ITIH5: variants seen among roughly 807,000 people sequenced by gnomAD.
The protein encoded by ITIH5 is inter-alpha-trypsin inhibitor heavy chain 5, also known as inter-alpha-trypsin inhibitor heavy chain H5.
Under a neutral mutation model 77.5 loss-of-function variants are expected in ITIH5, and 65 were observed. That is an observed-to-expected ratio of 0.84 (90% confidence interval 0.69 to 1.03). The LOEUF (loss-of-function observed/expected upper bound fraction) is 1.03, where lower values mean the gene tolerates loss of function less well. Among genes scored for constraint, ITIH5 ranks in the 50% least tolerant of loss-of-function variants. The pLI is 0.00. For missense variants in ITIH5, 1,208 were observed against 1,213.1 expected (o/e 1.00, Z 0.06); for synonymous variants, 525 against 494.3 (o/e 1.06, Z -0.82).
At chr10:7,650,009 A>G (rs188088845) in intron 2 of ITIH5, among the ~76,000 whole-genome samples, 1 of 152,342 alleles carries the variant, frequency 6.6e-6, no homozygotes, top group East Asian at 1.9e-4. Flanking sequence ...CCTGTGACAT[A>G]AGATAATTTC....
At position 7,585,913 on chromosome 10, in the gene ITIH5, A is replaced by G; in HGVS notation, c.1096T>C (p.Ser366Pro). Residue 366 changes from serine (S) to proline (P), a missense_variant, in exon 8 of 14, where the codon TCA becomes CCA. Physicochemically the swap from Ser to Pro is moderately conservative, Grantham distance 74. Coordinates refer to ENST00000397146, the MANE Select transcript of ITIH5 (RefSeq NM_030569.7). ...GTGTCATCTTTACCTCCAGTGGGTG[A>G]CATATGGTGAATGTACACTTTCCCA... ...RDGKVYIHHM[S>P]PTGGTDINGA... The G allele has an allele frequency of 6.2e-7, 1 of 1,611,070 alleles. No homozygotes were observed. The highest frequency in any genetic ancestry group is 8.5e-7 in the Non-Finnish European group (1 of 1,178,896).
rs529365555 is a variant in ITIH5, at chr10:7,560,166, A to G, written c.*2917T>C. ...CACCTGGCCCCATGTCTCTTCTTAT[A>G]AGGGCCTTAATCCCATTCGTGAGGG... On this transcript the variant is annotated 3_prime_UTR_variant, in exon 14 of 14. Coordinates refer to ENST00000397146, the MANE Select transcript of ITIH5 (RefSeq NM_030569.7). The G allele has an allele frequency of 4.6e-6, 1 of 216,156 alleles. No individual in the cohort carries two copies. Among genetic ancestry groups the G allele is most frequent in the East Asian group, 1.3e-4 (1 of 7,518 alleles). The allele number at this position is 216,156 out of a possible 1,614,324, so 13.4% of individuals were successfully genotyped here.
intron 7 of ITIH5, among the ~76,000 whole-genome samples, chr10:7,593,272 C>A (rs146145005): frequency 6.6e-6 from 1 of 152,174 alleles, no homozygotes; most frequent in East Asian, 1.9e-4. Context: ...GGCTCCATTC[C>A]CACTCAGAGG....
chr10:7,655,244 A>G lies in ITIH5; in HGVS notation c.135+387T>C, dbSNP rs116457254. On this transcript the variant is annotated intron_variant, in intron 2 of 13. Coordinates refer to ENST00000397146, the MANE Select transcript of ITIH5 (RefSeq NM_030569.7). ...CTCCAGCAGCATTGAGAGCCTATCC[A>G]ACTTTCATCACGTGATGCTTTAGTC... Among the ~76,000 whole-genome samples, 1,048 of 152,312 alleles carry G rather than the reference A, an allele frequency of 6.9e-3. 15 individuals are homozygous for G. Among genetic ancestry groups the G allele is most frequent in the African/African-American group, 0.023 (975 of 41,572 alleles).
intron 2 of ITIH5, among the ~76,000 whole-genome samples, chr10:7,655,424 TA>T (rs1834164839): frequency 6.6e-6 from 1 of 152,072 alleles, no homozygotes; most frequent in South Asian, 2.1e-4. Flanking sequence ...TCTACTGAAA[TA>T]ATCAGGTCTC....
intron 12 of ITIH5, among the ~76,000 whole-genome samples, chr10:7,567,805 T>C (rs1018808475): frequency 6.6e-5 from 10 of 151,618 alleles, no homozygotes; most frequent in Non-Finnish European, 1.2e-4. Context: ...ACCCAGGAGG[T>C]GGAGATTGCA....
At chr10:7,564,527 T>C (rs764456874) in intron 13 of ITIH5, among the ~76,000 whole-genome samples, 1 of 152,098 alleles carries the variant, frequency 6.6e-6, no homozygotes, top group Non-Finnish European at 1.5e-5. Context: ...CCTGCAGTAG[T>C]CCATGCAGTC....
intron 13 of ITIH5, among the ~76,000 whole-genome samples, chr10:7,565,707 TAATA>T (rs955628031): frequency 6.7e-6 from 1 of 148,836 alleles, no homozygotes; most frequent in Non-Finnish European, 1.5e-5. Flanking sequence ...ACTGCATATA[TAATA>T]TATATTATGT....
chr10:7,564,266 G>GAATCTAATTTTCATATTACATATGTAGT (rs1255779665), intron 13 of ITIH5, among the ~76,000 whole-genome samples: 3 of 152,186 alleles, frequency 2.0e-5, no homozygotes. Context: ...GCCCAGGAAG[G>GAATCTAATTTTCATATTACATATGTAGT]AATCTAATTT....
chr10:7,585,640 T>C (rs1429294531), intron 8 of ITIH5, among the ~76,000 whole-genome samples: 3 of 152,048 alleles, frequency 2.0e-5, no homozygotes, highest in Non-Finnish European at 4.4e-5. Context: ...ATCCATGAGA[T>C]GAACCAGGCA....
At chr10:7,572,678 G>C (rs576786550) in intron 11 of ITIH5, 8 of 267,152 alleles carry the variant, frequency 3.0e-5, no homozygotes, top group Admixed American at 1.4e-4. Context: ...CATAACAGCT[G>C]CACTTCTCAG....
rs762512341 is a variant in ITIH5 at position 7,637,334 on chromosome 10, G to C, written c.546C>G (p.Ser182=). ...HSISVRPQQL[S]GRLSVDVNIL... is the part of the protein sequence containing the mutation. ...TATTCACGTCCACGCTCAGCCTCCC[G>C]GACAGCTGCTGGGGCCGCACGCTGA... Residue 182 remains serine, a synonymous_variant, in exon 5 of 14, where the codon TCC becomes TCG. Coordinates refer to ENST00000397146, the MANE Select transcript of ITIH5 (RefSeq NM_030569.7). The C allele has an allele frequency of 9.3e-6, 15 of 1,614,082 alleles. No homozygotes were observed. Among genetic ancestry groups the C allele is most frequent in the Non-Finnish European group, 1.2e-5 (14 of 1,180,026 alleles).
chr10:7,584,914 T>C (rs1483162204), intron 8 of ITIH5, among the ~76,000 whole-genome samples: 1 of 152,204 alleles, frequency 6.6e-6, no homozygotes, highest in Non-Finnish European at 1.5e-5. Flanking sequence ...GGGAGGCTAG[T>C]AGGAAATCCC....
intron 7 of ITIH5, among the ~76,000 whole-genome samples, chr10:7,608,648 T>C (rs1833180749): frequency 6.6e-6 from 1 of 152,184 alleles, no homozygotes; most frequent in Admixed American, 6.5e-5. Flanking sequence ...AATATCACAC[T>C]GTTGGACATC....
chr10:7,577,400 A>G lies in ITIH5; in HGVS notation c.1419-388T>C, dbSNP rs181719927. 3.5e-4 allele frequency among the ~76,000 whole-genome samples: 53 copies of G among 152,364 alleles called. No homozygotes were observed. In the South Asian group the frequency reaches 0.01, roughly 30 times the overall value. On this transcript the variant is annotated intron_variant, in intron 9 of 13. Transcript: ENST00000397146. ...GGATGCTTAAAAAACAATGCTGTGC[A>G]TTCCTTTAAGCCCAGTCAATCCCCA...
At position 7,563,066 on chromosome 10, in the gene ITIH5, C is replaced by T. The variant is rs769360539; in HGVS notation, c.*17G>A. 1 of 1,612,156 alleles carries T rather than the reference C, an allele frequency of 6.2e-7. No homozygotes were observed. Among genetic ancestry groups the T allele is most frequent in the African/African-American group, 1.3e-5 (1 of 74,884 alleles). On this transcript the variant is annotated 3_prime_UTR_variant, in exon 14 of 14. Transcript: ENST00000397146. ...ATCACTGTCCTTCATGCACTTGCAT[C>T]TTTAAGGCTGCCAGCTTCAGAGCTC...
chr10:7,590,538 A>G (rs1206531052), intron 7 of ITIH5, among the ~76,000 whole-genome samples: 1 of 152,208 alleles, frequency 6.6e-6, no homozygotes, highest in Non-Finnish European at 1.5e-5. Flanking sequence ...CATATAATAC[A>G]TACATCGTGC....
chr10:7,572,294 A>G (rs1341680355), intron 11 of ITIH5: 2 of 1,365,504 alleles, frequency 1.5e-6, no homozygotes, highest in East Asian at 9.1e-5. Flanking sequence ...AAACCCAGTC[A>G]TAGGTTGTTC....
intron 2 of ITIH5, among the ~76,000 whole-genome samples, chr10:7,647,169 C>T (rs1834020247): frequency 6.6e-6 from 1 of 152,208 alleles, no homozygotes; most frequent in Non-Finnish European, 1.5e-5. Context: ...TTTGGAAAGT[C>T]CTTTCAGATG....
Sources: gnomAD v4.1 joint callset for allele counts (sites outside exome capture counted in the v4.1 genomes callset) on GRCh38, gnomAD v4.1.1 for gene constraint, MANE v1.5 for transcripts, NCBI Gene and HGNC (gene_info 2026-07-23, HGNC 2026-07-21) for gene names.